KYAT3: variants seen among roughly 807,000 people sequenced by gnomAD.
KYAT3 encodes the protein kynurenine aminotransferase 3.
Under a neutral mutation model 59.0 loss-of-function variants are expected in KYAT3, and 50 were observed. The ratio of observed to expected loss-of-function variants is 0.85; its 90% CI spans 0.68 to 1.07. The LOEUF (loss-of-function observed/expected upper bound fraction) is 1.07. KYAT3 is among the 50% of genes least tolerant of loss of function. The pLI is 0.00. For synonymous variants in KYAT3, 148 were observed against 177.0 expected (o/e 0.84, Z 1.30); for missense variants, 497 against 533.3 (o/e 0.93, Z 0.67).
rs1424045821 is a variant in KYAT3 at position 88,969,420 on chromosome 1, A to C, written c.147T>G (p.Asp49Glu). 1 of 1,566,534 alleles carries C rather than the reference A, an allele frequency of 6.4e-7. No homozygotes were observed. Among genetic ancestry groups the C allele is most frequent in the East Asian group, 2.2e-5 (1 of 44,608 alleles). Reference sequence around the variant, plus strand: ...TTTAAGATACTCACCACACATTACTATCAAGTCCTTCAATCCGTTTTGCAT... The same window carrying C: ...TTTAAGATACTCACCACACATTACTCTCAAGTCCTTCAATCCGTTTTGCAT... ...FTNAKRIEGL[D>E]SNVWIEFTKL... The change falls in exon 3 of 14, where the codon GAT becomes GAG. Residue 49 changes from aspartate to glutamate, a missense_variant. Around this residue, in one of 2 missense-constraint regions of KYAT3, gnomAD observed 469 missense variants for 479.1 expected, o/e 0.98. Coordinates refer to ENST00000260508, the MANE Select transcript of KYAT3 (RefSeq NM_001008661.3).
At chr1:88,935,493 A>G (rs1414125936), downstream of KYAT3, among the ~76,000 whole-genome samples, 1 of 152,196 alleles carries the variant, frequency 6.6e-6, no homozygotes, top group Non-Finnish European at 1.5e-5. Flanking sequence ...TTGAATCATA[A>G]AAGCCTCAGG....
In KYAT3 at chr1:88,968,698, T is replaced by C; in HGVS notation, c.275A>G (p.Asp92Gly). 6.3e-7 allele frequency: 1 copy of C among 1,593,972 alleles called. No homozygotes were observed. The highest frequency in any genetic ancestry group is 8.5e-7 in the Non-Finnish European group (1 of 1,174,668). ...GCCTCGTGTATACTGATTCAGGCTA[T>C]CGATTGCTGCAATCTTTGATAATTC... ...KEELSKIAAI[D>G]SLNQYTRGFG... The change falls in exon 4 of 14, where the codon GAT (aspartate) becomes GGT (glycine). Residue 92 changes from aspartate (D) to glycine (G), a missense_variant. Transcript: ENST00000260508.
intron 11 of KYAT3, among the ~76,000 whole-genome samples, chr1:88,948,108 A>AACAAAACAAAACAAAACAAC (rs1675520354): frequency 6.6e-6 from 1 of 151,496 alleles, no homozygotes; most frequent in Non-Finnish European, 1.5e-5. Context: ...AACAAAACAA[A>AACAAAACAAAACAAAACAAC]ACAAAACAAA....
chr1:88,930,930 C>G (rs1258330447), downstream of KYAT3, among the ~76,000 whole-genome samples: 1 of 152,116 alleles, frequency 6.6e-6, no homozygotes, highest in Non-Finnish European at 1.5e-5. Flanking sequence ...AGGCAGGACC[C>G]TCCATTAGAA....
At chr1:88,983,276 G>C in intron 2 of KYAT3, 2 of 1,613,832 alleles carry the variant, frequency 1.2e-6, no homozygotes, top group South Asian at 1.1e-5. Context: ...TCTTCCACGT[G>C]ATAGAGGAGC....
chr1:88,961,269 G>A lies in KYAT3; in HGVS notation c.685C>T (p.Leu229=). The change falls in exon 8 of 14, where the codon CTG becomes TTG. Residue 229 remains leucine (L), a synonymous_variant. Transcript: ENST00000260508. The stretch of plus-strand genomic sequence containing the variant: ...ATGCAAAGGTCAGCAATTACTTGCA[G>A]TTCCTCTCTGTTATACACCTACACA... ...PLGKVYNREE[L]QVIADLCIKY... is the part of the protein sequence containing the mutation. 6.2e-7 allele frequency: 1 copy of A among 1,613,618 alleles called. No individual in the cohort carries two copies. The highest frequency in any genetic ancestry group is 8.5e-7 in the Non-Finnish European group (1 of 1,179,924).
intron 4 of KYAT3, among the ~76,000 whole-genome samples, chr1:88,966,387 G>T (rs12060446): frequency 0.028 from 4,245 of 152,104 alleles, 160 homozygotes; most frequent in African/African-American, 0.082. Context: ...TTTAGGTATT[G>T]CTTAATTTCT....
At chr1:88,971,308 C>T (rs1172961173) in intron 2 of KYAT3, among the ~76,000 whole-genome samples, 2 of 151,978 alleles carry the variant, frequency 1.3e-5, no homozygotes, top group Admixed American at 1.3e-4. Context: ...CTAGACTGGC[C>T]TCTTCTCTCA....
At chr1:88,932,659 A>G (rs1163999022), downstream of KYAT3, among the ~76,000 whole-genome samples, 1 of 151,964 alleles carries the variant, frequency 6.6e-6, no homozygotes. Context: ...TGCCTGGATA[A>G]TTTTTAAATT....
At chr1:88,969,235 A>C (rs1676458880) in intron 3 of KYAT3, among the ~76,000 whole-genome samples, 174 bp downstream of exon 3, 1 of 152,254 alleles carries the variant, frequency 6.6e-6, no homozygotes, top group South Asian at 2.1e-4. Flanking sequence ...CACATGTGCC[A>C]AATGAACAAT....
chr1:88,929,163 A>G, the KYAT3 span, among the ~76,000 whole-genome samples: 4 of 152,152 alleles, frequency 2.6e-5, no homozygotes, highest in African/African-American at 4.8e-5. Context: ...AGGCCCAACA[A>G]GGACTCCAAA....
At chr1:88,970,427 A>T (rs1367118425) in intron 2 of KYAT3, among the ~76,000 whole-genome samples, 2 of 152,220 alleles carry the variant, frequency 1.3e-5, no homozygotes, top group Non-Finnish European at 2.9e-5. Context: ...AGTTTATGAA[A>T]GCTAGTAACA....
At chr1:88,937,327 C>A (rs17130657) in intron 13 of KYAT3, among the ~76,000 whole-genome samples, 3 of 151,888 alleles carry the variant, frequency 2.0e-5, no homozygotes, top group African/African-American at 7.3e-5. Context: ...AAGCCTGAAC[C>A]GGGAAAAGGG....
intron 2 of KYAT3, chr1:88,982,975 T>A (rs752079212): frequency 6.2e-7 from 1 of 1,613,646 alleles, no homozygotes; most frequent in South Asian, 1.1e-5. Context: ...AACTCTCATA[T>A]GAATCTCTGT....
At chr1:88,988,130 G>A in intron 2 of KYAT3, 122 bp downstream of exon 2, 1 of 627,928 alleles carries the variant, frequency 1.6e-6, no homozygotes, top group Non-Finnish European at 2.8e-6. Context: ...GACACCTTCA[G>A]CATATGTAAT....
rs74608238 is a variant in KYAT3, at chr1:88,971,962, T to A, written c.100-2495A>T. Among the ~76,000 whole-genome samples, 556 of 152,336 alleles carry A rather than the reference T, an allele frequency of 3.6e-3. 1 individual carries two copies. The highest frequency in any genetic ancestry group is 6.1e-3 in the Non-Finnish European group (412 of 68,040). On this transcript the variant is annotated intron_variant, in intron 2 of 13. Coordinates refer to ENST00000260508, the MANE Select transcript of KYAT3 (RefSeq NM_001008661.3). Reference sequence around the variant, plus strand: ...TTTACCATAGGCTAATTGAGATAAATAAGAGTTCAGTTTCTACAGCATATT... The same window carrying A: ...TTTACCATAGGCTAATTGAGATAAAAAAGAGTTCAGTTTCTACAGCATATT...
downstream of KYAT3, among the ~76,000 whole-genome samples, chr1:88,935,085 C>T (rs1356607453): frequency 2.1e-4 from 31 of 150,468 alleles, no homozygotes; most frequent in Non-Finnish European, 4.0e-4. Flanking sequence ...CCTCTATCTC[C>T]CAGGTTCGAG....
At chr1:88,948,034 G>A (rs763834857) in intron 11 of KYAT3, among the ~76,000 whole-genome samples, 4 of 152,178 alleles carry the variant, frequency 2.6e-5, no homozygotes, top group Non-Finnish European at 5.9e-5. Context: ...AGAGGTTGCA[G>A]TGAGCTGAGA....
chr1:88,964,760 G>T, intron 5 of KYAT3, 69 bp downstream of exon 5: 1 of 1,226,906 alleles, frequency 8.2e-7, no homozygotes, highest in Non-Finnish European at 1.2e-6. Flanking sequence ...GAATATAAGC[G>T]AAAGATTCAA....
Sources: allele counts gnomAD v4.1 joint callset (sites outside exome capture counted in the v4.1 genomes callset), GRCh38; gene constraint gnomAD v4.1.1; regional missense constraint gnomAD v4.1.1; transcripts MANE v1.5; gene names NCBI Gene and HGNC (gene_info 2026-07-23, HGNC 2026-07-21).